The following CCDC172 variants were observed in gnomAD, a reference collection of about 807,000 sequenced individuals.
CCDC172 encodes coiled-coil domain containing 172, also known as coiled-coil domain-containing protein 172.
CCDC172 carries 30 observed loss-of-function variants against 38.0 expected under a neutral mutation model. The observed-to-expected ratio is 0.79, with a 90% CI of 0.59 to 1.07. The LOEUF is 1.07. Ranked by LOEUF, CCDC172 falls within the 50% of genes least tolerant of loss-of-function variation. The pLI, the probability that CCDC172 is intolerant of heterozygous loss-of-function variation, is 0.00. For missense variants in CCDC172, 297 were observed against 290.1 expected (o/e 1.02, Z -0.17); for synonymous variants, 78 against 88.3 (o/e 0.88, Z 0.66).
intron 5 of CCDC172, among the ~76,000 whole-genome samples, chr10:116,351,279 GTTATAT>G (rs1241217099): frequency 1.3e-5 from 2 of 151,962 alleles, no homozygotes; most frequent in Non-Finnish European, 2.9e-5. Flanking sequence ...TTAATATGTA[GTTATAT>G]TTATATTTTA....
At chr10:116,332,014 G>C (rs139940770) in intron 3 of CCDC172, among the ~76,000 whole-genome samples, 1 of 152,030 alleles carries the variant, frequency 6.6e-6, no homozygotes, top group Non-Finnish European at 1.5e-5. Context: ...TCCATCTTTC[G>C]TAACTGGCAT....
At chr10:116,378,575 T>G in intron 8 of CCDC172, 65 bp downstream of exon 8, 4 of 1,273,272 alleles carry the variant, frequency 3.1e-6, no homozygotes, top group Non-Finnish European at 4.5e-6. Context: ...AGGAACGGTT[T>G]TACTGGTGTA....
intron 3 of CCDC172, among the ~76,000 whole-genome samples, chr10:116,337,299 G>A (rs1844743690): frequency 6.6e-6 from 1 of 151,854 alleles, no homozygotes; most frequent in African/African-American, 2.4e-5. Context: ...GATTACGGGT[G>A]CCCCCACCAC....
chr10:116,328,409 A>G (rs1470880139), intron 3 of CCDC172, among the ~76,000 whole-genome samples: 1 of 152,160 alleles, frequency 6.6e-6, no homozygotes, highest in Admixed American at 6.5e-5. Flanking sequence ...GACAGGGCAA[A>G]CCAAAATTAA....
In CCDC172 at chr10:116,327,202, T is replaced by C. The variant is rs1844603012; in HGVS notation, c.165+1814T>C. ...TAAATGACTTGTCCACGATATATAA[T>C]TCAGAAACAATTAAACTACCATAAT... On this transcript the variant is annotated intron_variant, in intron 3 of 8. Coordinates refer to ENST00000333254, the MANE Select transcript of CCDC172 (RefSeq NM_198515.3). Among the ~76,000 whole-genome samples the C allele has an allele frequency of 2.0e-5, 3 of 152,104 alleles. No homozygotes were observed. The South Asian group carries it at 6.2e-4, about 32-fold the overall frequency.
Position 116,374,150 on chromosome 10 carries a change from A to G in CCDC172, c.654-4273A>G, listed in dbSNP as rs1413886821. 2.6e-5 allele frequency among the ~76,000 whole-genome samples: 4 copies of G among 152,282 alleles called. No individual in the cohort carries two copies. The South Asian group carries it at 6.2e-4, about 24-fold the overall frequency. ...ATTTCGTAGCCATCTGAGTTATCAT[A>G]TCGACTGTTATGCTATCACAGTCTT... On this transcript the variant is annotated intron_variant, in intron 7 of 8. Transcript: ENST00000333254.
intron 3 of CCDC172, among the ~76,000 whole-genome samples, chr10:116,337,942 C>A (rs1169215632): frequency 1.3e-5 from 2 of 152,096 alleles, no homozygotes; most frequent in African/African-American, 4.8e-5. Flanking sequence ...TCAGTTGGGA[C>A]AACAGTAAGA....
chr10:116,366,128 ACTATATGTAATTT>A (rs1414016103), intron 7 of CCDC172, among the ~76,000 whole-genome samples: 1 of 152,144 alleles, frequency 6.6e-6, no homozygotes, highest in Non-Finnish European at 1.5e-5. Context: ...ATATATGTAA[ACTATATGTAATTT>A]CTAAAGTATA....
chr10:116,350,559 C>T (rs1290728480), intron 5 of CCDC172, among the ~76,000 whole-genome samples: 2 of 152,112 alleles, frequency 1.3e-5, no homozygotes, highest in Non-Finnish European at 2.9e-5. Flanking sequence ...ATAGATAAAA[C>T]AGTTCATCAC....
chr10:116,333,133 G>T (rs1270103747), intron 3 of CCDC172, among the ~76,000 whole-genome samples: 1 of 150,666 alleles, frequency 6.6e-6, no homozygotes, highest in African/African-American at 2.4e-5. Context: ...TTTTCATCCT[G>T]TGCTCTTCAC....
intron 3 of CCDC172, among the ~76,000 whole-genome samples, chr10:116,339,677 T>C (rs1009810873): frequency 6.6e-6 from 1 of 151,996 alleles, no homozygotes; most frequent in African/African-American, 2.4e-5. Context: ...TATATAAATG[T>C]AAGATCATAT....
At position 116,340,758 on chromosome 10, in the gene CCDC172, T is replaced by C. The variant is rs937701722; in HGVS notation, c.190T>C (p.Phe64Leu). ...GGTTCAACAGTTTTTTGAAAAATCC[T>C]TCTTCTTACAGCTTTTGAAAGCTCA... ...SKVQQFFEKS[F>L]FLQLLKAHEN... Residue 64 changes from phenylalanine to leucine, a missense_variant, in exon 4 of 9, where the codon TTC becomes CTC. Transcript: ENST00000333254. 2.5e-6 allele frequency: 4 copies of C among 1,595,040 alleles called. No homozygotes were observed. Among genetic ancestry groups the C allele is most frequent in the Non-Finnish European group, 3.4e-6 (4 of 1,168,832 alleles).
At position 116,357,907 on chromosome 10, in the gene CCDC172, G is replaced by T. The variant is rs1845019023; in HGVS notation, c.622G>T (p.Glu208Ter). 2 of 1,579,014 alleles carry T rather than the reference G, an allele frequency of 1.3e-6. No homozygotes were observed. Among genetic ancestry groups the T allele is most frequent in the Non-Finnish European group, 1.7e-6 (2 of 1,162,454 alleles). Reference sequence around the variant, plus strand: ...AGAGGCAGAAAAAATAAAAATCAGTGAAAAGCCTCAAAATGATACAGAATG... The same window carrying T: ...AGAGGCAGAAAAAATAAAAATCAGTTAAAAGCCTCAAAATGATACAGAATG... The part of the protein sequence containing the change: ...YLEAEKIKIS[E>*]KPQNDTECLR... The change falls in exon 7 of 9, where the codon GAA becomes TAA. Residue 208 changes from glutamate (E) to a stop codon, truncating the protein, a stop_gained. Transcript: ENST00000333254. LOFTEE classifies it high-confidence loss of function.
At chr10:116,361,229 C>A (rs1329542975) in intron 7 of CCDC172, among the ~76,000 whole-genome samples, 1 of 151,998 alleles carries the variant, frequency 6.6e-6, no homozygotes, top group Non-Finnish European at 1.5e-5. Context: ...AAGTGATACA[C>A]CTGCCTCAGT....
chr10:116,328,300 A>T (rs73374912), intron 3 of CCDC172, among the ~76,000 whole-genome samples: 16,934 of 152,056 alleles, frequency 0.11, 1,120 homozygotes, highest in East Asian at 0.21. Flanking sequence ...GTTTGGTAAT[A>T]TGAAAACAGA....
chr10:116,379,410 C>G lies in CCDC172; in HGVS notation c.*52C>G, dbSNP rs1845285532. The G allele has an allele frequency of 4.6e-6, 6 of 1,300,682 alleles. No individual in the cohort carries two copies. In the East Asian group the frequency reaches 1.5e-4, roughly 32 times the overall value. The allele number at this position is 1,300,682 out of a possible 1,614,324, so 80.6% of individuals were successfully genotyped here. Reference sequence around the variant, plus strand: ...AGATTTGATCAGAATATCTGAGAATCAAATCTTTGTGATAGATATATGAAT... The same window carrying G: ...AGATTTGATCAGAATATCTGAGAATGAAATCTTTGTGATAGATATATGAAT... On this transcript the variant is annotated 3_prime_UTR_variant, in exon 9 of 9. Transcript: ENST00000333254.
At position 116,371,092 on chromosome 10, in the gene CCDC172, A is replaced by G. The variant is rs185468058; in HGVS notation, c.654-7331A>G. 1.3e-4 allele frequency among the ~76,000 whole-genome samples: 20 copies of G among 152,020 alleles called. No homozygotes were observed. The East Asian group carries it at 3.9e-3, about 29-fold the overall frequency. On this transcript the variant is annotated intron_variant, in intron 7 of 8. Coordinates refer to ENST00000333254, the MANE Select transcript of CCDC172 (RefSeq NM_198515.3). ...TCTTCCAACTTAATATTAAAAAGTA[A>G]TAAAGGTAATGGGCATCCTTATTCC... is the stretch of plus-strand genomic sequence containing the variant.
intron 5 of CCDC172, among the ~76,000 whole-genome samples, chr10:116,354,068 A>C (rs1051452772): frequency 6.6e-6 from 1 of 152,242 alleles, no homozygotes; most frequent in Non-Finnish European, 1.5e-5. Flanking sequence ...ATTTCAGTCT[A>C]TGAAAGACCA....
chr10:116,354,466 G>T (rs1844969477), intron 5 of CCDC172, among the ~76,000 whole-genome samples: 1 of 152,068 alleles, frequency 6.6e-6, no homozygotes, highest in Non-Finnish European at 1.5e-5. Context: ...GCTCACGACT[G>T]TAATCCCAGC....
Sources: gnomAD v4.1 joint callset for allele counts (sites outside exome capture counted in the v4.1 genomes callset) on GRCh38, gnomAD v4.1.1 for gene constraint, MANE v1.5 for transcripts, NCBI Gene and HGNC (gene_info 2026-07-23, HGNC 2026-07-21) for gene names.